Variants in CDH4 observed in about 807,000 individuals in gnomAD.
CDH4 encodes cadherin-4.
Under a neutral mutation model 86.0 loss-of-function variants are expected in CDH4, and 33 were observed. That is an observed-to-expected ratio of 0.38 (90% CI 0.29 to 0.51). The LOEUF (loss-of-function observed/expected upper bound fraction) is 0.51, where lower values mean the gene tolerates loss of function less well. Among genes scored for constraint, CDH4 ranks in the 20% least tolerant of loss-of-function variants. CDH4 has a pLI of 0.86. For missense variants in CDH4, 1,114 were observed against 1,307.4 expected, an observed-to-expected ratio of 0.85 and a Z score of 2.28; for synonymous variants, 555 against 549.4, an observed-to-expected ratio of 1.01 and a Z score of -0.14.
chr20:61,541,658 G>C (rs6121675), intron 2 of CDH4, among the ~76,000 whole-genome samples: 31,179 of 152,098 alleles, frequency 0.2, 5,379 homozygotes, highest in African/African-American at 0.46. Flanking sequence ...GCATCTCTTC[G>C]CCATGTGTTT....
chr20:61,463,090 A>G (rs535148110), intron 2 of CDH4, among the ~76,000 whole-genome samples: 3 of 152,176 alleles, frequency 2.0e-5, no homozygotes, highest in Admixed American at 2.0e-4. Context: ...TTTAAATGGG[A>G]GTCTCCCTGC....
rs925238275 is a variant in CDH4 at position 61,835,533 on chromosome 20, C to A, written c.577-9135C>A. ...CTAATGATTCACAGCTGGACACCTC[C>A]CAGAAGACGGAGTGGGGCTGGGAGG... is the stretch of plus-strand genomic sequence containing the variant. On this transcript the variant is annotated intron_variant, in intron 4 of 15. Transcript: ENST00000614565. Among the ~76,000 whole-genome samples, 3 of 152,048 alleles carry A rather than the reference C, an allele frequency of 2.0e-5. No homozygotes were observed. In the East Asian group the frequency reaches 5.9e-4, roughly 30 times the overall value.
chr20:61,905,740 G>T (rs2054781582), intron 8 of CDH4, among the ~76,000 whole-genome samples: 1 of 152,214 alleles, frequency 6.6e-6, no homozygotes, highest in Non-Finnish European at 1.5e-5. Flanking sequence ...CATGTCCCTA[G>T]GTCACTTACC....
Position 61,468,997 on chromosome 20 carries a change from G to T in CDH4, c.169+214060G>T, listed in dbSNP as rs75045867. ...AGGTTGCTTCCAAATTTTGACTGTT[G>T]GGAATAGTGCTACAAGAAACATGGT... On this transcript the variant is annotated intron_variant, in intron 2 of 15. Transcript: ENST00000614565. Among the ~76,000 whole-genome samples, 1,044 of 152,196 alleles carry T rather than the reference G, an allele frequency of 6.9e-3. 11 individuals are homozygous for T. Among genetic ancestry groups the T allele is most frequent in the African/African-American group, 0.024 (988 of 41,530 alleles).
At chr20:61,363,087 A>G (rs114211999) in intron 2 of CDH4, among the ~76,000 whole-genome samples, 2,705 of 152,030 alleles carry the variant, frequency 0.018, 89 homozygotes, top group African/African-American at 0.061. Context: ...CATTCTGGTG[A>G]GCTGAACCTG....
In CDH4 at chr20:61,613,755, G is replaced by C. The variant is rs1394831513; in HGVS notation, c.170-129808G>C. The stretch of plus-strand genomic sequence containing the variant: ...TTGAGCCCTTGAATTTGATTCTTGA[G>C]CTGGGCATGCAGTCCACAGCTCTTT... On this transcript the variant is annotated intron_variant, in intron 2 of 15. Coordinates refer to ENST00000614565, the MANE Select transcript of CDH4 (RefSeq NM_001794.5). Among the ~76,000 whole-genome samples, 14 of 151,934 alleles carry C rather than the reference G, an allele frequency of 9.2e-5. No homozygotes were observed. The East Asian group carries it at 2.7e-3, about 29-fold the overall frequency.
At position 61,518,611 on chromosome 20, in the gene CDH4, CCATCCATCCTT is replaced by C. The variant is rs1384163444; in HGVS notation, c.170-224945_170-224935del. 6.6e-6 allele frequency among the ~76,000 whole-genome samples: 1 copy of C among 151,986 alleles called. No homozygotes were observed. Among genetic ancestry groups the C allele is most frequent in the Non-Finnish European group, 1.5e-5 (1 of 67,980 alleles). ...CATCCATCCATCATCATCCACTCAT[CCATCCATCCTT>C]CATCCACCTAACCATTTATCCATCC... On this transcript the variant is annotated intron_variant, in intron 2 of 15. Transcript: ENST00000614565. This position sits in a 1 kb window ranked among gnomAD's most constrained non-coding sequence, Gnocchi z 6.3.
intron 2 of CDH4, among the ~76,000 whole-genome samples, chr20:61,729,384 A>G (rs1347511840): frequency 6.6e-6 from 1 of 152,182 alleles, no homozygotes; most frequent in Non-Finnish European, 1.5e-5. Context: ...CTGCCTCAGA[A>G]TGTGGCCCTT....
chr20:61,273,660 G>A (rs2123144303), intron 2 of CDH4, among the ~76,000 whole-genome samples: 1 of 142,746 alleles, frequency 7.0e-6, no homozygotes, highest in Non-Finnish European at 1.5e-5. Flanking sequence ...ACTGTGTGCA[G>A]TTTGGGGCAG....
chr20:61,934,723 C>A (rs113148429), intron 15 of CDH4, among the ~76,000 whole-genome samples: 9 of 146,922 alleles, frequency 6.1e-5, no homozygotes, highest in East Asian at 5.9e-4. Context: ...ACTTGCCCCC[C>A]CTCCCCACCC....
At chr20:61,325,620 A>C (rs2123250612) in intron 2 of CDH4, among the ~76,000 whole-genome samples, 1 of 152,128 alleles carries the variant, frequency 6.6e-6, no homozygotes, top group Admixed American at 6.5e-5. Context: ...GAGATTATGA[A>C]GCCAGGAGCA....
chr20:61,900,300 T>C (rs951191145), intron 8 of CDH4, among the ~76,000 whole-genome samples: 4 of 152,240 alleles, frequency 2.6e-5, no homozygotes, highest in African/African-American at 9.6e-5. Context: ...ACGGACTCAG[T>C]GCCCTTAATT....
At chr20:61,883,771 C>T (rs1431168138) in intron 7 of CDH4, among the ~76,000 whole-genome samples, 4 of 152,202 alleles carry the variant, frequency 2.6e-5, no homozygotes, top group Non-Finnish European at 4.4e-5. Context: ...CGGGACCTCC[C>T]CTGCCTGCCT....
intron 2 of CDH4, among the ~76,000 whole-genome samples, chr20:61,458,059 C>CGGTGGT (rs566907327): frequency 2.2e-5 from 3 of 137,354 alleles, no homozygotes; most frequent in African/African-American, 8.3e-5. Context: ...GTGGTGGCAG[C>CGGTGGT]GGTGGTGGTG....
chr20:61,714,008 A>G (rs771654355), intron 2 of CDH4, among the ~76,000 whole-genome samples: 2 of 140,362 alleles, frequency 1.4e-5, no homozygotes, highest in Admixed American at 7.1e-5. Flanking sequence ...GTCTTAGTCC[A>G]TTGTCTATTC....
At chr20:61,512,367 CAGTG>C (rs1185084434) in intron 2 of CDH4, among the ~76,000 whole-genome samples, 16 of 152,194 alleles carry the variant, frequency 1.1e-4, no homozygotes, top group Non-Finnish European at 1.5e-4. Flanking sequence ...GCATGGAAAA[CAGTG>C]AGACCCGATC....
chr20:61,560,893 T>C (rs551693763), intron 2 of CDH4, among the ~76,000 whole-genome samples: 2 of 152,308 alleles, frequency 1.3e-5, no homozygotes, highest in Admixed American at 6.5e-5. Context: ...AGCCAACCTC[T>C]TACTCTCCCC....
chr20:61,559,047 A>C (rs1279803173), intron 2 of CDH4, among the ~76,000 whole-genome samples: 1 of 152,228 alleles, frequency 6.6e-6, no homozygotes, highest in Non-Finnish European at 1.5e-5. Context: ...GGCCGGGCGC[A>C]GTGGCTCACA....
intron 2 of CDH4, among the ~76,000 whole-genome samples, chr20:61,262,195 C>T (rs1274870656): frequency 1.3e-5 from 2 of 152,170 alleles, no homozygotes; most frequent in African/African-American, 4.8e-5. Context: ...TGCAGCTGGC[C>T]AGCCGGGGCG....
Sources: allele counts gnomAD v4.1 joint callset (sites outside exome capture counted in the v4.1 genomes callset), GRCh38; gene constraint gnomAD v4.1.1; non-coding constraint Gnocchi (gnomAD v3.1); transcripts MANE v1.5; gene names NCBI Gene and HGNC (gene_info 2026-07-23, HGNC 2026-07-21).